NPHP1: variants seen among roughly 807,000 people sequenced by gnomAD.
NPHP1 encodes nephrocystin 1.
NPHP1 carries 70 observed loss-of-function variants against 90.4 expected under a neutral mutation model. That is an observed-to-expected ratio of 0.77 (90% CI 0.64 to 0.95). NPHP1 has a LOEUF of 0.95. NPHP1 is among the 40% of genes least tolerant of loss of function. The pLI is 0.00. For synonymous variants in NPHP1, 256 were observed against 271.7 expected, an observed-to-expected ratio of 0.94 and a Z score of 0.57; for missense variants, 764 against 795.9, an observed-to-expected ratio of 0.96 and a Z score of 0.48.
At position 110,123,787 on chromosome 2, in the gene NPHP1, A is replaced by C. The variant is rs1574044864; in HGVS notation, c.*4T>G. The C allele has an allele frequency of 6.2e-7, 1 of 1,613,738 alleles. No individual in the cohort carries two copies. The highest frequency in any genetic ancestry group is 8.5e-7 in the Non-Finnish European group (1 of 1,179,896). ...GGGAAGCTGAGGGCTAGAGGCTGCC[A>C]CTGTCACACTGCATTCTTTCTCATT... On this transcript the variant is annotated 3_prime_UTR_variant, in exon 20 of 20. Transcript: ENST00000445609.
chr2:110,195,129 T>C (rs1455476745), intron 2 of NPHP1, among the ~76,000 whole-genome samples: 2 of 152,022 alleles, frequency 1.3e-5, no homozygotes, highest in African/African-American at 4.8e-5. Context: ...ACCACTCCTA[T>C]TCAACATAGT....
chr2:110,125,123 G>A, intron 19 of NPHP1: 1 of 1,430,332 alleles, frequency 7.0e-7, no homozygotes, highest in Non-Finnish European at 9.2e-7. Flanking sequence ...AAGCCAAGAA[G>A]ATTTTCCATC....
chr2:110,153,412 CT>C (rs1159869095), intron 11 of NPHP1, among the ~76,000 whole-genome samples: 7 of 152,208 alleles, frequency 4.6e-5, no homozygotes, highest in African/African-American at 1.7e-4. Context: ...TACTATGGAT[CT>C]TCTTTCAGGT....
chr2:110,168,520 G>GT lies in NPHP1; in HGVS notation c.555dup (p.Pro186ThrfsTer2), dbSNP rs766524637. 108 of 1,610,742 alleles carry GT rather than the reference G, an allele frequency of 6.7e-5. No individual in the cohort carries two copies. Among genetic ancestry groups the GT allele is most frequent in the Non-Finnish European group, 8.1e-5 (95 of 1,177,812 alleles). On this transcript the variant is annotated frameshift_variant, in exon 6 of 20. Coordinates refer to ENST00000445609, the MANE Select transcript of NPHP1 (RefSeq NM_001128178.3). LOFTEE classifies it high-confidence loss of function. The stretch of plus-strand genomic sequence containing the variant: ...TCCTTAGCTATCCACCAACCATCAG[G>GT]TTTTTTTTCAATTACAAGGAGAATT...
chr2:110,191,121 A>G (rs1011596175), intron 2 of NPHP1, among the ~76,000 whole-genome samples: 2 of 152,116 alleles, frequency 1.3e-5, no homozygotes. Flanking sequence ...TGCATTTCCA[A>G]CTGAGGTACT....
intron 6 of NPHP1, among the ~76,000 whole-genome samples, chr2:110,167,346 C>T (rs1235106848): frequency 6.6e-6 from 1 of 152,096 alleles, no homozygotes; most frequent in African/African-American, 2.4e-5. Context: ...GAACTTTCAG[C>T]CCCACCCTCC....
At chr2:110,133,453 GAGA>G (rs2104443607) in intron 16 of NPHP1, among the ~76,000 whole-genome samples, 1 of 152,150 alleles carries the variant, frequency 6.6e-6, no homozygotes, top group African/African-American at 2.4e-5. Context: ...TATAATAATA[GAGA>G]AGATTTCAAT....
At chr2:110,167,788 G>T (rs1223469451) in intron 6 of NPHP1, among the ~76,000 whole-genome samples, 3 of 152,060 alleles carry the variant, frequency 2.0e-5, no homozygotes, top group African/African-American at 7.2e-5. Context: ...AACCTGTGGG[G>T]GTCTGTGCTA....
At chr2:110,203,075 G>A (rs932178147) in intron 1 of NPHP1, among the ~76,000 whole-genome samples, 1 of 152,118 alleles carries the variant, frequency 6.6e-6, no homozygotes, top group African/African-American at 2.4e-5. Context: ...TATACACCAT[G>A]AAAAAATATG....
Position 110,125,677 on chromosome 2 carries a change from G to A in NPHP1, c.1721C>T (p.Ser574Leu), listed in dbSNP as rs138181219. The A allele has an allele frequency of 3.4e-4, 552 of 1,612,702 alleles. No individual in the cohort carries two copies. Among genetic ancestry groups the A allele is most frequent in the Non-Finnish European group, 4.2e-4 (497 of 1,179,136 alleles). ...TAATGTGCTTTCTTTTCCAGCCCAC[G>A]AACTCTAAAGAGCAAACAGAAATAT... is the stretch of plus-strand genomic sequence containing the variant. The part of the protein sequence containing the change: ...QPDVMDALRS[S>L]WAGKESTLKR... Residue 574 changes from serine (S) to leucine (L), a missense_variant, in exon 19 of 20, where the codon TCG becomes TTG. Transcript: ENST00000445609.
chr2:110,204,942 A>G lies in NPHP1; in HGVS notation c.27T>C (p.Pro9=). 1 of 1,613,932 alleles carries G rather than the reference A, an allele frequency of 6.2e-7. No homozygotes were observed. The highest frequency in any genetic ancestry group is 1.7e-5 in the Admixed American group (1 of 60,028). The change falls in exon 1 of 20, where the codon CCT becomes CCC. Residue 9 remains proline, a synonymous_variant. Coordinates refer to ENST00000445609, the MANE Select transcript of NPHP1 (RefSeq NM_001128178.3). ...GATTGCGGCGCCGCAGGGCCTGGAG[A>G]GGATCTCGCTGTCGTCTCGCCAGCA... MLARRQRD[P]LQALRRRNQE... is the part of the protein sequence containing the mutation.
At chr2:110,198,743 T>C (rs1046218040) in intron 2 of NPHP1, among the ~76,000 whole-genome samples, 1 of 152,088 alleles carries the variant, frequency 6.6e-6, no homozygotes, top group Non-Finnish European at 1.5e-5. Context: ...TGATAAGCCC[T>C]ATCAACATAC....
chr2:110,175,777 A>G (rs781154033), intron 4 of NPHP1, among the ~76,000 whole-genome samples: 6 of 149,924 alleles, frequency 4.0e-5, no homozygotes. Flanking sequence ...TTCAGTCACT[A>G]TCTCTTTAAA....
At chr2:110,174,085 T>C (rs1230249082) in intron 4 of NPHP1, among the ~76,000 whole-genome samples, 1 of 152,156 alleles carries the variant, frequency 6.6e-6, no homozygotes, top group Non-Finnish European at 1.5e-5. Context: ...GAACATGGAA[T>C]ACCTTTTTCC....
chr2:110,143,169 T>C (rs1680775170), intron 16 of NPHP1, among the ~76,000 whole-genome samples: 1 of 152,194 alleles, frequency 6.6e-6, no homozygotes, highest in Non-Finnish European at 1.5e-5. Context: ...AGTATACATT[T>C]GTCAAAACAC....
chr2:110,197,951 C>CA (rs1685283097), intron 2 of NPHP1, among the ~76,000 whole-genome samples: 1 of 152,078 alleles, frequency 6.6e-6, no homozygotes, highest in Non-Finnish European at 1.5e-5. Flanking sequence ...TTAAAATCCT[C>CA]AAACAGTTGA....
intron 2 of NPHP1, among the ~76,000 whole-genome samples, chr2:110,199,152 G>T (rs1385526204): frequency 6.6e-6 from 1 of 152,066 alleles, no homozygotes; most frequent in African/African-American, 2.4e-5. Context: ...CATGACTGAT[G>T]ATGGCCAGGC....
chr2:110,164,784 A>G (rs1682600720), intron 7 of NPHP1, 54 bp from the exon 8 acceptor site: 13 of 1,406,852 alleles, frequency 9.2e-6, no homozygotes, highest in African/African-American at 2.8e-5. Context: ...TATTCACTCA[A>G]TTAGGGAACT....
chr2:110,197,447 A>T (rs569286636), intron 2 of NPHP1, among the ~76,000 whole-genome samples: 6 of 152,236 alleles, frequency 3.9e-5, no homozygotes, highest in South Asian at 2.1e-4. Flanking sequence ...CTTTGCTGGC[A>T]GTCAGCTTCC....
Sources: allele counts gnomAD v4.1 joint callset (sites outside exome capture counted in the v4.1 genomes callset), GRCh38; gene constraint gnomAD v4.1.1; transcripts MANE v1.5; gene names NCBI Gene and HGNC (gene_info 2026-07-23, HGNC 2026-07-21).